The following MCPH1 variants were observed in gnomAD, a reference collection of about 807,000 sequenced individuals.
MCPH1 encodes microcephalin 1.
A neutral mutation model predicts 84.5 loss-of-function variants in MCPH1; 104 were observed. The ratio of observed to expected loss-of-function variants is 1.23; its 90% CI spans 1.05 to 1.45. The LOEUF (loss-of-function observed/expected upper bound fraction) is 1.45. Ranked by LOEUF, MCPH1 falls within the 40% of genes most tolerant of loss-of-function variation. The pLI is 0.00. For synonymous variants in MCPH1, 514 were observed against 366.8 expected (o/e 1.40, Z -4.58); for missense variants, 1,498 against 1,005.7 (o/e 1.49, Z -6.62).
chr8:6,529,080 G>C (rs1436734641), intron 12 of MCPH1, among the ~76,000 whole-genome samples: 2 of 152,188 alleles, frequency 1.3e-5, no homozygotes, highest in African/African-American at 2.4e-5. Flanking sequence ...ATTCCGTGTG[G>C]AGGCAGGGAA....
In MCPH1 at chr8:6,593,925, C is replaced by T. The variant is rs182066689; in HGVS notation, c.2215-27529C>T. Among the ~76,000 whole-genome samples the T allele has an allele frequency of 5.1e-4, 78 of 152,324 alleles. 1 individual carries two copies. The highest frequency in any genetic ancestry group is 1.6e-3 in the Admixed American group (24 of 15,300). On this transcript the variant is annotated intron_variant, in intron 12 of 13. Transcript: ENST00000344683. ...CCGTCCCTCCCATCAGAAGGACCCC[C>T]GCTGGCACTCTGTCAGGTAGACAGA...
intron 12 of MCPH1, among the ~76,000 whole-genome samples, chr8:6,584,004 A>G (rs1239813861): frequency 6.6e-6 from 1 of 151,958 alleles, no homozygotes; most frequent in Admixed American, 6.6e-5. Flanking sequence ...CGAAACTCCC[A>G]CCAGTCTGAC....
intron 8 of MCPH1, among the ~76,000 whole-genome samples, chr8:6,451,602 T>A (rs1243275139): frequency 1.3e-5 from 2 of 152,240 alleles, no homozygotes; most frequent in African/African-American, 4.8e-5. Context: ...GTGAACTTGA[T>A]ATTTTAATAG....
At chr8:6,550,810 G>C (rs1823514272) in intron 12 of MCPH1, among the ~76,000 whole-genome samples, 1 of 152,176 alleles carries the variant, frequency 6.6e-6, no homozygotes, top group Non-Finnish European at 1.5e-5. Flanking sequence ...TTGTGAAATT[G>C]AGTGAGACGA....
intron 13 of MCPH1, among the ~76,000 whole-genome samples, chr8:6,632,047 T>C (rs138094162): frequency 1.3e-5 from 2 of 152,218 alleles, no homozygotes; most frequent in Non-Finnish European, 2.9e-5. Flanking sequence ...TGGATGAACT[T>C]TGAAAACATC....
intron 12 of MCPH1, among the ~76,000 whole-genome samples, chr8:6,574,334 T>C (rs1223529427): frequency 2.0e-5 from 3 of 152,090 alleles, no homozygotes; most frequent in African/African-American, 7.2e-5. Context: ...CATCGTCTCA[T>C]GGTATTCTCC....
chr8:6,510,692 G>A (rs1814883170), intron 12 of MCPH1, among the ~76,000 whole-genome samples: 1 of 152,178 alleles, frequency 6.6e-6, no homozygotes, highest in African/African-American at 2.4e-5. Flanking sequence ...TGCAGCAAAT[G>A]CCTCTGCCGT....
intron 11 of MCPH1, among the ~76,000 whole-genome samples, chr8:6,485,665 G>A (rs1809798918): frequency 6.6e-6 from 1 of 152,052 alleles, no homozygotes; most frequent in Non-Finnish European, 1.5e-5. Context: ...TACTGATGAT[G>A]TCGCTATTTG....
At chr8:6,492,741 A>T (rs887234839) in intron 11 of MCPH1, among the ~76,000 whole-genome samples, 4 of 148,494 alleles carry the variant, frequency 2.7e-5, no homozygotes, top group African/African-American at 9.8e-5. Flanking sequence ...ATAAATATTA[A>T]TAATAATTAT....
chr8:6,551,229 AT>A (rs10708602), intron 12 of MCPH1, among the ~76,000 whole-genome samples: 21,898 of 150,364 alleles, frequency 0.15, 1,676 homozygotes, highest in South Asian at 0.23. Flanking sequence ...CTTATTCGTG[AT>A]TTTTTTTTTC....
In MCPH1 at chr8:6,621,681, A is replaced by G. The variant is rs771951735; in HGVS notation, c.2442A>G (p.Lys814=). ...KKATVKYLSE[K]WVLDSITQHK... is the part of the protein sequence containing the mutation. ...CCACAGTCAAGTATCTGTCTGAGAA[A>G]TGGGTCTTAGGTAAGAATCCAGGCA... The change falls in exon 13 of 14, where the codon AAA becomes AAG. Residue 814 remains lysine, a synonymous_variant. Transcript: ENST00000344683. 2 of 1,614,178 alleles carry G rather than the reference A, an allele frequency of 1.2e-6. No individual in the cohort carries two copies. The highest frequency in any genetic ancestry group is 1.7e-6 in the Non-Finnish European group (2 of 1,180,042).
intron 9 of MCPH1, among the ~76,000 whole-genome samples, chr8:6,461,886 C>T (rs182848004): frequency 6.6e-6 from 1 of 151,886 alleles, no homozygotes; most frequent in East Asian, 1.9e-4. Context: ...TTTTTTTTCT[C>T]CAAGTATTTG....
intron 8 of MCPH1, among the ~76,000 whole-genome samples, chr8:6,453,665 T>TA (rs1805344656): frequency 6.6e-6 from 1 of 152,182 alleles, no homozygotes; most frequent in Admixed American, 6.5e-5. Context: ...ATTTGTTATT[T>TA]AAAAAGGAAA....
chr8:6,627,905 G>GTT (rs1796864823), intron 13 of MCPH1, among the ~76,000 whole-genome samples: 1 of 146,932 alleles, frequency 6.8e-6, no homozygotes, highest in African/African-American at 2.6e-5. Context: ...ATATATATGT[G>GTT]TTTATATATA....
At chr8:6,457,622 T>A (rs1349251351) in intron 9 of MCPH1, among the ~76,000 whole-genome samples, 2 of 151,948 alleles carry the variant, frequency 1.3e-5, no homozygotes, top group Non-Finnish European at 2.9e-5. Flanking sequence ...AATAAATAAA[T>A]GCTGATTTTC....
intron 12 of MCPH1, among the ~76,000 whole-genome samples, chr8:6,580,833 C>G (rs10112754): frequency 0.99 from 150,384 of 152,330 alleles, 74,256 homozygotes; most frequent in Middle Eastern, 1. Flanking sequence ...CTGTAAATAA[C>G]TTTGCATTTA....
At chr8:6,419,411 T>A (rs529394455) in intron 3 of MCPH1, among the ~76,000 whole-genome samples, 154 of 152,134 alleles carry the variant, frequency 1.0e-3, no homozygotes, top group African/African-American at 3.7e-3. Context: ...TTTTCTTTTT[T>A]CTTTTTGAGA....
intron 12 of MCPH1, among the ~76,000 whole-genome samples, chr8:6,571,170 G>A (rs929402232): frequency 6.6e-6 from 1 of 152,126 alleles, no homozygotes; most frequent in East Asian, 1.9e-4. Flanking sequence ...AAAGGGAGTG[G>A]ATACAATTGT....
At chr8:6,511,088 G>A (rs754552449) in intron 12 of MCPH1, among the ~76,000 whole-genome samples, 8 of 152,136 alleles carry the variant, frequency 5.3e-5, no homozygotes, top group African/African-American at 1.9e-4. Flanking sequence ...CTTTGAACAT[G>A]TTTAGTTCTC....
Sources: gnomAD v4.1 joint callset for allele counts (sites outside exome capture counted in the v4.1 genomes callset) on GRCh38, gnomAD v4.1.1 for gene constraint, MANE v1.5 for transcripts, NCBI Gene and HGNC (gene_info 2026-07-23, HGNC 2026-07-21) for gene names.